The following UBE3D variants were observed in gnomAD, a reference collection of about 807,000 sequenced individuals.
UBE3D encodes ubiquitin protein ligase E3D, also known as E3 ubiquitin-protein ligase E3D.
In UBE3D, 48 loss-of-function variants were observed where a neutral mutation model predicts 49.6. The observed-to-expected ratio is 0.97, with a 90% CI of 0.77 to 1.23. The LOEUF (loss-of-function observed/expected upper bound fraction) is 1.23. UBE3D is among the 50% of genes most tolerant of loss of function. The pLI is 0.00. For synonymous variants in UBE3D, 189 were observed against 174.2 expected (o/e 1.08, Z -0.67); for missense variants, 452 against 468.4 (o/e 0.96, Z 0.32).
At chr6:83,064,190 C>G (rs1318905061) in intron 1 of UBE3D, among the ~76,000 whole-genome samples, 1 of 152,060 alleles carries the variant, frequency 6.6e-6, no homozygotes, top group Non-Finnish European at 1.5e-5. Context: ...AATGGCAAAA[C>G]TAAGTCCAGC....
chr6:82,942,146 T>C (rs913091525), intron 9 of UBE3D, among the ~76,000 whole-genome samples: 1 of 152,084 alleles, frequency 6.6e-6, no homozygotes, highest in African/African-American at 2.4e-5. Context: ...AAGAATGAAG[T>C]CCAGGCTGAG....
At chr6:82,974,257 C>T (rs574870672) in intron 8 of UBE3D, among the ~76,000 whole-genome samples, 1 of 152,134 alleles carries the variant, frequency 6.6e-6, no homozygotes, top group Non-Finnish European at 1.5e-5. Context: ...CTGTCTTCCA[C>T]AAAAACCGGT....
chr6:82,935,660 G>T (rs1774515825), intron 9 of UBE3D, among the ~76,000 whole-genome samples: 2 of 152,070 alleles, frequency 1.3e-5, no homozygotes. Flanking sequence ...AATCTTACAG[G>T]CCAGCAGGAA....
chr6:82,984,898 T>C lies in UBE3D; in HGVS notation c.1011-27448A>G, dbSNP rs971872216. On this transcript the variant is annotated intron_variant, in intron 8 of 9. Coordinates refer to ENST00000369747, the MANE Select transcript of UBE3D (RefSeq NM_198920.3). ...TGATTATGGCTCCCTAAAGCCTTTATCTTCTGGGCTCAGGCATTCCTCCCA... is the reference window on the plus strand; with the variant it reads ...TGATTATGGCTCCCTAAAGCCTTTACCTTCTGGGCTCAGGCATTCCTCCCA... Among the ~76,000 whole-genome samples the C allele has an allele frequency of 5.7e-4, 86 of 151,990 alleles. 1 individual carries two copies. The highest frequency in any genetic ancestry group is 1.9e-3 in the African/African-American group (78 of 41,392).
At chr6:83,027,458 A>AAAAAAAAAAAAAAG (rs571635643) in intron 5 of UBE3D, among the ~76,000 whole-genome samples, 1 of 147,568 alleles carries the variant, frequency 6.8e-6, no homozygotes, top group Admixed American at 6.8e-5. Context: ...AAAAAAAAAA[A>AAAAAAAAAAAAAAG]AAAGAAACCA....
chr6:82,895,500 G>A (rs962504510), intron 9 of UBE3D, among the ~76,000 whole-genome samples: 1 of 152,064 alleles, frequency 6.6e-6, no homozygotes, highest in African/African-American at 2.4e-5. Flanking sequence ...CTACAATGTA[G>A]AGAGCCCCTA....
At chr6:82,984,545 C>A (rs1223929381) in intron 8 of UBE3D, among the ~76,000 whole-genome samples, 1 of 152,094 alleles carries the variant, frequency 6.6e-6, no homozygotes, top group African/African-American at 2.4e-5. Context: ...TTCACAGCTT[C>A]ACCAAAAAAA....
chr6:82,933,554 T>C (rs563039996), intron 9 of UBE3D, among the ~76,000 whole-genome samples: 2 of 152,336 alleles, frequency 1.3e-5, no homozygotes, highest in East Asian at 3.9e-4. Flanking sequence ...CCACCCATCC[T>C]GAACATCCTT....
intron 4 of UBE3D, among the ~76,000 whole-genome samples, chr6:83,042,746 G>C (rs1299834766): frequency 2.6e-5 from 4 of 152,168 alleles, no homozygotes; most frequent in Admixed American, 6.5e-5. Flanking sequence ...TGTTTCCCAA[G>C]AGATACCATT....
At chr6:83,034,524 A>G (rs895760462) in intron 5 of UBE3D, among the ~76,000 whole-genome samples, 3 of 151,922 alleles carry the variant, frequency 2.0e-5, no homozygotes, top group Non-Finnish European at 4.4e-5. Flanking sequence ...TGTAATCCCC[A>G]TGTGTTAAAG....
intron 9 of UBE3D, among the ~76,000 whole-genome samples, chr6:82,905,659 G>A (rs1377518438): frequency 6.6e-6 from 1 of 152,042 alleles, no homozygotes; most frequent in Non-Finnish European, 1.5e-5. Flanking sequence ...TAGATCAGTG[G>A]ATACTAATTT....
At chr6:82,969,221 A>AG (rs1777165653) in intron 8 of UBE3D, among the ~76,000 whole-genome samples, 1 of 37,000 alleles carries the variant, frequency 2.7e-5, no homozygotes, top group Non-Finnish European at 5.2e-5. Context: ...TACACAGGGC[A>AG]GGGGTGGGGG....
At chr6:82,970,726 C>T (rs1024348401) in intron 8 of UBE3D, among the ~76,000 whole-genome samples, 5 of 152,074 alleles carry the variant, frequency 3.3e-5, no homozygotes, top group Non-Finnish European at 5.9e-5. Context: ...GTAGTCCCAG[C>T]TACTCGGGAG....
At chr6:82,942,707 T>C (rs955186378) in intron 9 of UBE3D, among the ~76,000 whole-genome samples, 3 of 152,142 alleles carry the variant, frequency 2.0e-5, no homozygotes, top group Non-Finnish European at 4.4e-5. Flanking sequence ...TTGTCAAGAA[T>C]TGAAGTTTGG....
At chr6:82,923,189 C>T (rs896313454) in intron 9 of UBE3D, among the ~76,000 whole-genome samples, 5 of 152,270 alleles carry the variant, frequency 3.3e-5, no homozygotes, top group Non-Finnish European at 1.5e-5. Flanking sequence ...TACTATTTGA[C>T]CCAGCAATCC....
chr6:82,898,688 G>A (rs996076358), intron 9 of UBE3D, among the ~76,000 whole-genome samples: 17 of 151,772 alleles, frequency 1.1e-4, no homozygotes, highest in African/African-American at 4.1e-4. Context: ...GGGGTAGGGG[G>A]CTAGGGGAGG....
At chr6:83,016,680 T>C (rs1328084046) in intron 8 of UBE3D, among the ~76,000 whole-genome samples, 7 of 151,144 alleles carry the variant, frequency 4.6e-5, no homozygotes, top group Admixed American at 4.0e-4. Context: ...AATCTTCATA[T>C]ATAAATATAT....
chr6:83,020,405 G>A (rs953250661), intron 7 of UBE3D, among the ~76,000 whole-genome samples: 46 of 149,894 alleles, frequency 3.1e-4, no homozygotes, highest in Non-Finnish European at 5.9e-5. Flanking sequence ...AGTTGTATAT[G>A]GAAAGAATAA....
intron 9 of UBE3D, among the ~76,000 whole-genome samples, chr6:82,918,295 A>C (rs1162705470): frequency 2.0e-5 from 3 of 151,950 alleles, no homozygotes; most frequent in African/African-American, 4.8e-5. Flanking sequence ...AACAACAAAA[A>C]AAAAACAAAA....
Sources: allele counts gnomAD v4.1 joint callset (sites outside exome capture counted in the v4.1 genomes callset), GRCh38; gene constraint gnomAD v4.1.1; transcripts MANE v1.5; gene names NCBI Gene and HGNC (gene_info 2026-07-23, HGNC 2026-07-21).